Variants in HHAT observed in about 807,000 individuals in gnomAD.
HHAT encodes the protein hedgehog acyltransferase.
A neutral mutation model predicts 70.8 loss-of-function variants in HHAT; 47 were observed. The observed-to-expected ratio is 0.66, with a 90% CI of 0.53 to 0.85. HHAT has a LOEUF of 0.85. Ranked by LOEUF, HHAT falls within the 40% of genes least tolerant of loss-of-function variation. The pLI is 0.00. For missense variants in HHAT, 609 were observed against 604.8 expected, an observed-to-expected ratio of 1.01 and a Z score of -0.07; for synonymous variants, 228 against 247.6, an observed-to-expected ratio of 0.92 and a Z score of 0.74.
chr1:210,448,787 G>T (rs1213232442), intron 7 of HHAT, among the ~76,000 whole-genome samples: 1 of 144,794 alleles, frequency 6.9e-6, no homozygotes, highest in Non-Finnish European at 1.5e-5. Flanking sequence ...GCTGTAGGTT[G>T]GATTGTCAGT....
intron 3 of HHAT, among the ~76,000 whole-genome samples, chr1:210,376,367 C>T (rs1261103987): frequency 1.3e-5 from 2 of 152,080 alleles, no homozygotes; most frequent in Non-Finnish European, 1.5e-5. Flanking sequence ...CCCTTACATT[C>T]GTTTTATATG....
intron 9 of HHAT, among the ~76,000 whole-genome samples, chr1:210,522,687 A>G (rs1008891550): frequency 2.0e-5 from 3 of 152,140 alleles, no homozygotes; most frequent in Admixed American, 6.6e-5. Flanking sequence ...GCTGTGATGA[A>G]GTTTAATAGT....
At chr1:210,435,169 T>G (rs1330655789) in intron 7 of HHAT, among the ~76,000 whole-genome samples, 1 of 151,886 alleles carries the variant, frequency 6.6e-6, no homozygotes, top group East Asian at 1.9e-4. Flanking sequence ...ACCAATCTAC[T>G]CTATCTTGAT....
At chr1:210,587,023 T>C (rs1405483168) in intron 9 of HHAT, among the ~76,000 whole-genome samples, 1 of 152,226 alleles carries the variant, frequency 6.6e-6, no homozygotes, top group African/African-American at 2.4e-5. Flanking sequence ...CCTAGAAAGC[T>C]GGGGAACCGT....
Position 210,404,502 on chromosome 1 carries a change from G to A in HHAT, c.507G>A (p.Leu169=). ...AGACAGAAAACGAGTACTACCTGCT[G>A]CAGTTCACGCTGACCGTTCGCTGCC... ...WYKTENEYYL[L]QFTLTVRCLY... is the part of the protein sequence containing the mutation. The change falls in exon 6 of 12, where the codon CTG becomes CTA. Residue 169 remains leucine, a synonymous_variant. Coordinates refer to ENST00000261458, the MANE Select transcript of HHAT (RefSeq NM_018194.6). The A allele has an allele frequency of 6.2e-7, 1 of 1,613,028 alleles. No individual in the cohort carries two copies. Among genetic ancestry groups the A allele is most frequent in the Non-Finnish European group, 8.5e-7 (1 of 1,179,888 alleles).
intron 11 of HHAT, among the ~76,000 whole-genome samples, chr1:210,671,205 T>G (rs1680009720): frequency 6.6e-6 from 1 of 152,192 alleles, no homozygotes; most frequent in Non-Finnish European, 1.5e-5. Flanking sequence ...AGCTGGCCTC[T>G]GGGCTCCATG....
intron 3 of HHAT, 21 bp from the exon 4 acceptor site, chr1:210,387,447 A>G (rs754260490): frequency 6.3e-7 from 1 of 1,597,370 alleles, no homozygotes; most frequent in Non-Finnish European, 8.6e-7. Context: ...TCCCTCTGAT[A>G]AACTATTTTG....
At chr1:210,544,370 T>TTTTTTTTTTTTTTTTTTTTTTTCTTTC (rs2095462752) in intron 9 of HHAT, among the ~76,000 whole-genome samples, 1 of 63,320 alleles carries the variant, frequency 1.6e-5, no homozygotes, top group Non-Finnish European at 4.6e-5. Context: ...TTCTTTCGTT[T>TTTTTTTTTTTTTTTTTTTTTTTCTTTC]TTTTTTTTTT....
chr1:210,524,536 G>C (rs1410184080), intron 9 of HHAT, among the ~76,000 whole-genome samples: 2 of 152,168 alleles, frequency 1.3e-5, no homozygotes, highest in African/African-American at 4.8e-5. Context: ...GGCCAGTAGA[G>C]GAGCAAGGAG....
intron 6 of HHAT, among the ~76,000 whole-genome samples, chr1:210,405,500 G>A (rs557771945): frequency 2.6e-4 from 40 of 152,180 alleles, no homozygotes; most frequent in African/African-American, 8.4e-4. Flanking sequence ...TAACATGTAC[G>A]TGCATACACA....
rs919975352 is a variant in HHAT at position 210,625,195 on chromosome 1, G to A, written c.1390+1525G>A. Among the ~76,000 whole-genome samples the A allele has an allele frequency of 3.9e-5, 6 of 152,318 alleles. No homozygotes were observed. The South Asian group carries it at 1.0e-3, about 26-fold the overall frequency. On this transcript the variant is annotated intron_variant, in intron 11 of 11. Transcript: ENST00000261458. Reference sequence around the variant, plus strand: ...AAGACCACGTACTTTCTAAGCGAAAGCTGTCCTTTAATAAAGATGAGAGAT... The same window carrying A: ...AAGACCACGTACTTTCTAAGCGAAAACTGTCCTTTAATAAAGATGAGAGAT...
chr1:210,485,347 T>C (rs1332555463), intron 8 of HHAT, among the ~76,000 whole-genome samples: 2 of 152,172 alleles, frequency 1.3e-5, no homozygotes, highest in Non-Finnish European at 2.9e-5. Context: ...TCAGCCGCAA[T>C]AGACTTCTTC....
chr1:210,623,187 T>C (rs999297083), intron 10 of HHAT, among the ~76,000 whole-genome samples: 32 of 152,172 alleles, frequency 2.1e-4, no homozygotes, highest in African/African-American at 7.5e-4. Flanking sequence ...TCCTCCCACC[T>C]TAGCCTCCCG....
upstream of HHAT, among the ~76,000 whole-genome samples, chr1:210,327,758 C>T (rs544478080): frequency 3.7e-4 from 57 of 152,152 alleles, no homozygotes; most frequent in Middle Eastern, 3.4e-3. Context: ...CTCCTGCTAC[C>T]GCTCCTAAAG....
At chr1:210,334,378 A>G (rs1355621231) in intron 1 of HHAT, among the ~76,000 whole-genome samples, 3 of 148,170 alleles carry the variant, frequency 2.0e-5, no homozygotes, top group African/African-American at 7.5e-5. Context: ...CTGGTCTCAA[A>G]CTCCTGGGCT....
At chr1:210,415,127 C>T (rs976714061) in intron 6 of HHAT, among the ~76,000 whole-genome samples, 2 of 152,192 alleles carry the variant, frequency 1.3e-5, no homozygotes, top group African/African-American at 4.8e-5. Context: ...ATTTTATGCA[C>T]ATTGAATAAA....
intron 8 of HHAT, among the ~76,000 whole-genome samples, chr1:210,468,090 G>C (rs1222932937): frequency 6.6e-6 from 1 of 152,126 alleles, no homozygotes; most frequent in Admixed American, 6.5e-5. Context: ...TTTCTGCTCA[G>C]ATTATTTACA....
chr1:210,383,425 A>G (rs570636439), intron 3 of HHAT, among the ~76,000 whole-genome samples: 30 of 152,366 alleles, frequency 2.0e-4, no homozygotes, highest in Middle Eastern at 3.4e-3. Context: ...GGAAAAAGTA[A>G]AATATGGAGA....
At chr1:210,341,606 G>A (rs1015877798) in intron 1 of HHAT, among the ~76,000 whole-genome samples, 1 of 152,178 alleles carries the variant, frequency 6.6e-6, no homozygotes. Context: ...TCCTGAAAGG[G>A]ACCTAAAAAC....
Sources: gnomAD v4.1 joint callset for allele counts (sites outside exome capture counted in the v4.1 genomes callset) on GRCh38, gnomAD v4.1.1 for gene constraint, MANE v1.5 for transcripts, NCBI Gene and HGNC (gene_info 2026-07-23, HGNC 2026-07-21) for gene names.